The following SLC38A4 variants were observed in gnomAD, a reference collection of about 807,000 sequenced individuals.
The protein encoded by SLC38A4 is sodium-coupled neutral amino acid transporter 4.
In SLC38A4, 20 loss-of-function variants were observed where a neutral mutation model predicts 63.1. The observed-to-expected ratio is 0.32, with a 90% CI of 0.22 to 0.46. The LOEUF (loss-of-function observed/expected upper bound fraction) is 0.46. SLC38A4 is among the 20% of genes least tolerant of loss of function. The pLI is 1.00. For synonymous variants in SLC38A4, 230 were observed against 225.5 expected, an observed-to-expected ratio of 1.02 and a Z score of -0.18; for missense variants, 526 against 663.6, an observed-to-expected ratio of 0.79 and a Z score of 2.28.
intron 1 of SLC38A4, among the ~76,000 whole-genome samples, chr12:46,811,890 T>C (rs559032525): frequency 1.2e-4 from 18 of 152,022 alleles, no homozygotes; most frequent in East Asian, 7.8e-4. Context: ...AAAAAGCTAA[T>C]TGCAAGTCTT....
chr12:46,778,759 G>A lies in SLC38A4; in HGVS notation c.735C>T (p.Phe245=). 6.2e-7 allele frequency: 1 copy of A among 1,610,894 alleles called. No individual in the cohort carries two copies. The highest frequency in any genetic ancestry group is 1.1e-5 in the South Asian group (1 of 90,892). ...AAACAGGTAGAGGGCAGGGTATTTG[G>A]AATTTCTTGTAAATCACCTAGACTC... The part of the protein sequence containing the change: ...FFVSVVIYKK[F]QIPCPLPVLD... Residue 245 remains phenylalanine (F), a synonymous_variant, in exon 11 of 17, where the codon TTC becomes TTT. Transcript: ENST00000266579.
intron 2 of SLC38A4, among the ~76,000 whole-genome samples, chr12:46,802,507 C>A (rs983258399): frequency 6.6e-6 from 1 of 151,940 alleles, no homozygotes; most frequent in Non-Finnish European, 1.5e-5. Flanking sequence ...AAAGAAAACT[C>A]AAAAGTTGAG....
intron 1 of SLC38A4, among the ~76,000 whole-genome samples, chr12:46,820,914 G>A (rs576971720): frequency 1.3e-5 from 2 of 152,044 alleles, no homozygotes; most frequent in East Asian, 3.9e-4. Flanking sequence ...TAATTTGCAT[G>A]TCCTGATGAT....
rs17097246 is a variant in SLC38A4, at chr12:46,778,486, G to A, written c.993+15C>T. ...ACATAACTGTACTCATTAGAAGCCC[G>A]GACCGCTCACTTACCCGGGAGTTGA... On this transcript the variant is annotated intron_variant, in intron 11 of 16. Coordinates refer to ENST00000266579, the MANE Select transcript of SLC38A4 (RefSeq NM_018018.5). The A allele has an allele frequency of 0.026, 41,674 of 1,610,084 alleles. 4,779 individuals are homozygous for A. The African/African-American group carries it at 0.27, about 10-fold the overall frequency.
chr12:46,797,016 T>G (rs147812257), intron 2 of SLC38A4, among the ~76,000 whole-genome samples: 3 of 152,284 alleles, frequency 2.0e-5, no homozygotes, highest in East Asian at 3.9e-4. Context: ...TTCTCAAAAA[T>G]TTCTATTTGC....
At chr12:46,813,582 A>C (rs2120898089) in intron 1 of SLC38A4, among the ~76,000 whole-genome samples, 1 of 152,110 alleles carries the variant, frequency 6.6e-6, no homozygotes, top group South Asian at 2.1e-4. Flanking sequence ...GTTGAGCTTA[A>C]GGGTTGCACT....
intron 16 of SLC38A4, 46 bp from the exon 17 acceptor site, chr12:46,766,848 G>A (rs778584934): frequency 7.3e-5 from 98 of 1,351,390 alleles, no homozygotes; most frequent in Non-Finnish European, 9.4e-5. Context: ...ACCATACTTA[G>A]TACAATTTGT....
Position 46,784,276 on chromosome 12 carries a change from C to T in SLC38A4, c.493+266G>A, listed in dbSNP as rs144218260. On this transcript the variant is annotated intron_variant, in intron 7 of 16. Transcript: ENST00000266579. ...AGAGTAATAATTCATGCTGTAATAA[C>T]ATTAAAAATCAAGAAAGCTTTTATT... Among the ~76,000 whole-genome samples the T allele has an allele frequency of 1.9e-3, 282 of 152,178 alleles. 1 individual carries two copies. Among genetic ancestry groups the T allele is most frequent in the African/African-American group, 6.6e-3 (274 of 41,546 alleles).
At chr12:46,811,727 A>C (rs940182910) in intron 1 of SLC38A4, among the ~76,000 whole-genome samples, 1 of 152,018 alleles carries the variant, frequency 6.6e-6, no homozygotes, top group Non-Finnish European at 1.5e-5. Context: ...GCATGAGGCA[A>C]TCCTTCTTAC....
At chr12:46,792,004 T>C (rs1259671073) in intron 3 of SLC38A4, among the ~76,000 whole-genome samples, 1 of 152,062 alleles carries the variant, frequency 6.6e-6, no homozygotes, top group Non-Finnish European at 1.5e-5. Flanking sequence ...CAAAGGACCT[T>C]ACGTGCCCAG....
At chr12:46,792,354 T>C (rs944687819) in intron 3 of SLC38A4, among the ~76,000 whole-genome samples, 1 of 152,080 alleles carries the variant, frequency 6.6e-6, no homozygotes, top group African/African-American at 2.4e-5. Flanking sequence ...TGCTACATGA[T>C]AGCAGTGATT....
Position 46,769,287 on chromosome 12 carries a change from T to A in SLC38A4, c.1441A>T (p.Ile481Leu). The A allele has an allele frequency of 6.2e-7, 1 of 1,613,014 alleles. No individual in the cohort carries two copies. Among genetic ancestry groups the A allele is most frequent in the Non-Finnish European group, 8.5e-7 (1 of 1,179,294 alleles). The part of the protein sequence containing the change: ...VPTIKYIFGF[I>L]GASSATMLIF... ...TTGAAGCCTTTCTGAAACTCACCTATGAATCCGAAGATGTATTTTATAGTT... is the reference window on the plus strand; with the variant it reads ...TTGAAGCCTTTCTGAAACTCACCTAAGAATCCGAAGATGTATTTTATAGTT... The change falls in exon 15 of 17, where the codon ATA becomes TTA. Residue 481 changes from isoleucine to leucine, a missense_variant. By Grantham distance (5) the Ile-to-Leu change is conservative. Transcript: ENST00000266579.
intron 1 of SLC38A4, among the ~76,000 whole-genome samples, chr12:46,807,989 G>T (rs1939267844): frequency 6.6e-6 from 1 of 151,614 alleles, no homozygotes. Flanking sequence ...GATTTCCGTG[G>T]AAGCTTGAGC....
At chr12:46,815,759 A>G (rs1939430809) in intron 1 of SLC38A4, among the ~76,000 whole-genome samples, 1 of 151,938 alleles carries the variant, frequency 6.6e-6, no homozygotes, top group African/African-American at 2.4e-5. Context: ...ATCAGATGAC[A>G]AATTTAATTC....
chr12:46,830,698 G>A (rs1236525974), upstream of SLC38A4, among the ~76,000 whole-genome samples: 1 of 152,172 alleles, frequency 6.6e-6, no homozygotes, highest in Non-Finnish European at 1.5e-5. Context: ...TTTAGCCTTG[G>A]AGGATGGGGC....
intron 2 of SLC38A4, among the ~76,000 whole-genome samples, chr12:46,802,518 T>C (rs1939151213): frequency 6.6e-6 from 1 of 152,066 alleles, no homozygotes; most frequent in South Asian, 2.1e-4. Flanking sequence ...AAAAGTTGAG[T>C]CATTAAAGCT....
intron 16 of SLC38A4, among the ~76,000 whole-genome samples, chr12:46,767,186 T>C (rs779575298): frequency 2.0e-5 from 3 of 151,998 alleles, no homozygotes; most frequent in Non-Finnish European, 4.4e-5. Context: ...TCTAATTTTA[T>C]AAAGCAAACA....
At chr12:46,777,092 A>G (rs1211920705) in intron 12 of SLC38A4, 88 bp from the exon 13 acceptor site, 5 of 1,069,516 alleles carry the variant, frequency 4.7e-6, no homozygotes, top group Non-Finnish European at 6.9e-6. Flanking sequence ...AAAAAAGTAT[A>G]TCTATATTGC....
intron 6 of SLC38A4, 122 bp downstream of exon 6, chr12:46,784,982 G>A (rs1938728289): frequency 2.2e-6 from 2 of 892,852 alleles, no homozygotes; most frequent in Non-Finnish European, 3.6e-6. Flanking sequence ...TCGTGTCACT[G>A]GGCTCAGAAG....
Sources: allele counts gnomAD v4.1 joint callset (sites outside exome capture counted in the v4.1 genomes callset), GRCh38; gene constraint gnomAD v4.1.1; transcripts MANE v1.5; gene names NCBI Gene and HGNC (gene_info 2026-07-23, HGNC 2026-07-21).